The following CPNE4 variants were observed in gnomAD, a reference collection of about 807,000 sequenced individuals.
CPNE4 encodes the protein copine 4.
In CPNE4, 25 loss-of-function variants were observed where a neutral mutation model predicts 67.9. The ratio of observed to expected loss-of-function variants is 0.37; its 90% CI spans 0.27 to 0.51. The LOEUF (loss-of-function observed/expected upper bound fraction) is 0.51. Ranked by LOEUF, CPNE4 falls within the 20% of genes least tolerant of loss-of-function variation. The probability of loss-of-function intolerance (pLI) is 0.93; values close to 1 mark genes in which losing one functional copy is unlikely to be tolerated. For synonymous variants in CPNE4, 242 were observed against 244.9 expected, an observed-to-expected ratio of 0.99 and a Z score of 0.11; for missense variants, 464 against 690.8, an observed-to-expected ratio of 0.67 and a Z score of 3.68.
At chr3:131,725,471 T>C (rs1236891414) in intron 2 of CPNE4, among the ~76,000 whole-genome samples, 3 of 152,202 alleles carry the variant, frequency 2.0e-5, no homozygotes, top group African/African-American at 7.2e-5. Context: ...TGACCAAAGG[T>C]TATCTGCCTG....
At chr3:131,702,192 T>C (rs1431187252) in intron 3 of CPNE4, among the ~76,000 whole-genome samples, 1 of 152,168 alleles carries the variant, frequency 6.6e-6, no homozygotes, top group Non-Finnish European at 1.5e-5. Flanking sequence ...ATCATGATCA[T>C]GTTTGTGATG....
chr3:131,674,101 T>C (rs980615818), intron 6 of CPNE4, among the ~76,000 whole-genome samples: 2 of 152,124 alleles, frequency 1.3e-5, no homozygotes, highest in African/African-American at 4.8e-5. Context: ...ATTCTGTTGG[T>C]ATGATGTATC....
In CPNE4 at chr3:131,881,246, C is replaced by G. The variant is rs188321123; in HGVS notation, c.180+24018G>C. 2.6e-5 allele frequency among the ~76,000 whole-genome samples: 4 copies of G among 152,234 alleles called. No individual in the cohort carries two copies. The East Asian group carries it at 7.7e-4, about 29-fold the overall frequency. Reference sequence around the variant, plus strand: ...AAATGAGTGATTGCTGCTTCTTTACCAATTATACCTTTAGCTTTAGCCTTG... The same window carrying G: ...AAATGAGTGATTGCTGCTTCTTTACGAATTATACCTTTAGCTTTAGCCTTG... On this transcript the variant is annotated intron_variant, in intron 2 of 15. Transcript: ENST00000429747.
intron 1 of CPNE4, among the ~76,000 whole-genome samples, chr3:132,010,349 C>T (rs2369360): frequency 2.6e-5 from 4 of 152,052 alleles, no homozygotes; most frequent in East Asian, 1.9e-4. Context: ...GGAGGAAAAA[C>T]GAACAAAATA....
At position 132,014,325 on chromosome 3, in the gene CPNE4, T is replaced by A. The variant is rs542463156; in HGVS notation, c.-2+20242A>T. ...GGGCCAGCCTACTCCTCCCCCCGAA[T>A]GCTCCTCCCACCCCCACTCCTCATC... is the stretch of plus-strand genomic sequence containing the variant. On this transcript the variant is annotated intron_variant, in intron 1 of 15. Transcript: ENST00000429747. Among the ~76,000 whole-genome samples, 16 of 151,920 alleles carry A rather than the reference T, an allele frequency of 1.1e-4. No individual in the cohort carries two copies. The South Asian group carries it at 1.5e-3, about 14-fold the overall frequency.
intron 2 of CPNE4, among the ~76,000 whole-genome samples, chr3:131,762,258 C>G (rs967238133): frequency 6.6e-6 from 1 of 151,970 alleles, no homozygotes; most frequent in Non-Finnish European, 1.5e-5. Flanking sequence ...AAGACAGTGT[C>G]TAAATCTATT....
intron 7 of CPNE4, among the ~76,000 whole-genome samples, chr3:131,606,396 C>T (rs550108669): frequency 6.6e-6 from 1 of 152,198 alleles, no homozygotes; most frequent in East Asian, 1.9e-4. Flanking sequence ...ATGAATGATC[C>T]ACACAAAATA....
At chr3:131,688,666 T>G (rs571894065) in intron 5 of CPNE4, among the ~76,000 whole-genome samples, 1 of 152,298 alleles carries the variant, frequency 6.6e-6, no homozygotes, top group African/African-American at 2.4e-5. Flanking sequence ...ATGTAAGAAC[T>G]TTCTCATTTT....
chr3:131,712,877 T>C (rs1271420047), intron 3 of CPNE4, among the ~76,000 whole-genome samples: 2 of 152,182 alleles, frequency 1.3e-5, no homozygotes, highest in Non-Finnish European at 2.9e-5. Flanking sequence ...CGATCTAAAT[T>C]AGATTTACAG....
chr3:132,001,165 C>T (rs142408971), intron 1 of CPNE4, among the ~76,000 whole-genome samples: 1 of 152,106 alleles, frequency 6.6e-6, no homozygotes, highest in East Asian at 1.9e-4. Context: ...ATCAAAAAAG[C>T]AAGGCAAATT....
intron 2 of CPNE4, among the ~76,000 whole-genome samples, chr3:131,829,167 TC>T (rs1392178068): frequency 1.3e-5 from 2 of 152,024 alleles, no homozygotes; most frequent in Non-Finnish European, 2.9e-5. Context: ...GGAAAGGCCT[TC>T]CCCCATAACT....
intron 1 of CPNE4, among the ~76,000 whole-genome samples, chr3:131,996,024 A>C (rs1280945430): frequency 6.6e-6 from 1 of 152,188 alleles, no homozygotes; most frequent in Non-Finnish European, 1.5e-5. Flanking sequence ...ATTCCTGTGC[A>C]ATATCTGACA....
At position 131,951,336 on chromosome 3, in the gene CPNE4, A is replaced by G. The variant is rs181437253; in HGVS notation, c.-1-45892T>C. ...GGTTCACTATTGATTTTTTATGTCA[A>G]TGTTTTATCTTGAAATCCTCTGAAC... is the stretch of plus-strand genomic sequence containing the variant. On this transcript the variant is annotated intron_variant, in intron 1 of 15. Transcript: ENST00000429747. 4.4e-3 allele frequency among the ~76,000 whole-genome samples: 667 copies of G among 150,536 alleles called. 6 individuals are homozygous for G. Among genetic ancestry groups the G allele is most frequent in the African/African-American group, 0.015 (618 of 41,442 alleles).
chr3:131,725,599 G>T (rs575986406), intron 2 of CPNE4, among the ~76,000 whole-genome samples: 1 of 152,176 alleles, frequency 6.6e-6, no homozygotes, highest in Non-Finnish European at 1.5e-5. Flanking sequence ...GCAGGTACAA[G>T]AATTTACTAT....
intron 1 of CPNE4, among the ~76,000 whole-genome samples, chr3:132,029,272 G>C (rs1695238574): frequency 6.6e-6 from 1 of 152,118 alleles, no homozygotes; most frequent in Admixed American, 6.5e-5. Context: ...ACCTAACCAG[G>C]CACTGGAAGA....
intron 1 of CPNE4, chr3:132,017,808 A>T (rs1294422283): frequency 6.6e-6 from 1 of 152,248 alleles, no homozygotes; most frequent in Non-Finnish European, 1.5e-5. Context: ...GCATCACATG[A>T]CATGCTCAGC....
chr3:131,781,129 T>C (rs1203547655), intron 2 of CPNE4, among the ~76,000 whole-genome samples: 1 of 152,092 alleles, frequency 6.6e-6, no homozygotes, highest in Non-Finnish European at 1.5e-5. Context: ...CATTTCTGCC[T>C]GTCAGTAAAC....
At chr3:131,551,993 C>A (rs185722590) in intron 13 of CPNE4, among the ~76,000 whole-genome samples, 3 of 150,486 alleles carry the variant, frequency 2.0e-5, no homozygotes, top group African/African-American at 7.4e-5. Flanking sequence ...TGTCCTTGGC[C>A]GATATGCCGA....
chr3:131,868,131 T>C (rs971338259), intron 2 of CPNE4, among the ~76,000 whole-genome samples: 2 of 152,212 alleles, frequency 1.3e-5, no homozygotes, highest in African/African-American at 2.4e-5. Flanking sequence ...ATTCAGATGA[T>C]GGAGGTAGCA....
Sources: allele counts gnomAD v4.1 joint callset (sites outside exome capture counted in the v4.1 genomes callset), GRCh38; gene constraint gnomAD v4.1.1; transcripts MANE v1.5; gene names NCBI Gene and HGNC (gene_info 2026-07-23, HGNC 2026-07-21).